CALCOCO1: variants seen among roughly 807,000 people sequenced by gnomAD.
CALCOCO1 encodes calcium binding and coiled-coil domain 1.
A neutral mutation model predicts 86.3 loss-of-function variants in CALCOCO1; 44 were observed. The observed-to-expected ratio is 0.51, with a 90% CI of 0.40 to 0.66. The LOEUF (loss-of-function observed/expected upper bound fraction) is 0.66, where lower values mean the gene tolerates loss of function less well. Among genes scored for constraint, CALCOCO1 ranks in the 30% least tolerant of loss-of-function variants. CALCOCO1 has a pLI of 0.00. For missense variants in CALCOCO1, 708 were observed against 851.1 expected (o/e 0.83, Z 2.09); for synonymous variants, 297 against 327.6 (o/e 0.91, Z 1.01).
At chr12:53,725,345 C>T (rs1945999373) in intron 1 of CALCOCO1, 79 bp from the exon 2 acceptor site, 2 of 903,690 alleles carry the variant, frequency 2.2e-6, no homozygotes, top group Non-Finnish European at 3.3e-6. Flanking sequence ...CACACACTCA[C>T]AGCCCCTGCC....
chr12:53,721,740 T>C, intron 5 of CALCOCO1, 125 bp from the exon 6 acceptor site: 1 of 1,203,422 alleles, frequency 8.3e-7, no homozygotes. Context: ...ATTGCCTTCC[T>C]TGAAAAAGAA....
intron 3 of CALCOCO1, 150 bp downstream of exon 3, chr12:53,724,495 A>C: frequency 1.8e-5 from 12 of 649,452 alleles, no homozygotes; most frequent in Non-Finnish European, 3.1e-5. Context: ...CTATCCGCTG[A>C]GCGCTGTTGG....
At chr12:53,724,956 C>G (rs17102181) in intron 2 of CALCOCO1, 131 bp downstream of exon 2, 167,300 of 1,097,302 alleles carry the variant, frequency 0.15, 14,529 homozygotes, top group East Asian at 0.33. Context: ...CAGGCGGCCT[C>G]TGTCATCTGT....
intron 14 of CALCOCO1, chr12:53,712,801 A>G: frequency 1.4e-6 from 2 of 1,384,962 alleles, no homozygotes; most frequent in Non-Finnish European, 9.6e-7. Context: ...GGGTAGAGGC[A>G]GGAGAGAGGG....
chr12:53,725,037 C>T (rs1418869363), intron 2 of CALCOCO1, 50 bp downstream of exon 2: 1 of 1,517,718 alleles, frequency 6.6e-7, no homozygotes, highest in African/African-American at 1.4e-5. Flanking sequence ...CCCCTTATTC[C>T]AACCAACTCA....
intron 3 of CALCOCO1, 91 bp downstream of exon 3, chr12:53,724,554 G>T: frequency 1.1e-6 from 1 of 889,206 alleles, no homozygotes; most frequent in Non-Finnish European, 1.9e-6. Context: ...TGTCCTTTGT[G>T]CCTAACTTTT....
chr12:53,721,140 A>G (rs1354574354), intron 6 of CALCOCO1, among the ~76,000 whole-genome samples: 2 of 152,226 alleles, frequency 1.3e-5, no homozygotes, highest in African/African-American at 4.8e-5. Flanking sequence ...CTGTGGCCAC[A>G]TCTGAAATCC....
chr12:53,715,332 G>C lies in CALCOCO1; in HGVS notation c.1261-7C>G. ...GGATCTTGTCCTTCTCTGCCTGAGA[G>C]ATAGCCAAGAAGGAAAATGGGAGGG... is the stretch of plus-strand genomic sequence containing the variant. On this transcript the variant is annotated splice_polypyrimidine_tract_variant and splice_region_variant and intron_variant, in intron 9 of 14. Transcript: ENST00000550804. 1 of 1,614,000 alleles carries C rather than the reference G, an allele frequency of 6.2e-7. No individual in the cohort carries two copies. The highest frequency in any genetic ancestry group is 1.1e-5 in the South Asian group (1 of 91,084).
rs1474144797 is a variant in CALCOCO1 at position 53,711,358 on chromosome 12, T to G, written c.*586A>C. The G allele has an allele frequency of 2.6e-6, 1 of 392,072 alleles. No individual in the cohort carries two copies. The highest frequency in any genetic ancestry group is 4.5e-6 in the Non-Finnish European group (1 of 222,320). 24.3% of individuals were successfully genotyped at this position (392,072 alleles called of 1,614,324 possible). A position where few individuals can be genotyped will look rare whatever the true frequency, so the allele number is the denominator to read the frequency against. On this transcript the variant is annotated 3_prime_UTR_variant, in exon 15 of 15. Transcript: ENST00000550804. The stretch of plus-strand genomic sequence containing the variant: ...AAAAATACAAAAAACCCCTCCAAAC[T>G]GAATACCTAAGGTTATGGAAAAGGC...
Position 53,709,822 on chromosome 12 carries a change from A to C in CALCOCO1, c.*2122T>G, listed in dbSNP as rs1593071230. ...GTCTACTATTCTCCTTTTTTGCACA[A>C]GGCAGCCACTCACTGGAAGCCAGGA... On this transcript the variant is annotated 3_prime_UTR_variant, in exon 15 of 15. Transcript: ENST00000550804. 6.6e-6 allele frequency: 1 copy of C among 152,056 alleles called. No homozygotes were observed. Among genetic ancestry groups the C allele is most frequent in the Non-Finnish European group, 1.5e-5 (1 of 68,000 alleles). The allele number at this position is 152,056 out of a possible 1,614,324, so 9.4% of individuals were successfully genotyped here.
intron 1 of CALCOCO1, chr12:53,725,881 T>G (rs1946015964): frequency 6.6e-6 from 1 of 152,202 alleles, no homozygotes; most frequent in Non-Finnish European, 1.5e-5. Context: ...CCTACCCCCA[T>G]GAATTCTAGG....
Position 53,721,626 on chromosome 12 carries a change from GT to G in CALCOCO1, c.610-12del. 6.2e-7 allele frequency: 1 copy of G among 1,613,924 alleles called. No homozygotes were observed. Among genetic ancestry groups the G allele is most frequent in the Non-Finnish European group, 8.5e-7 (1 of 1,179,956 alleles). Reference sequence around the variant, plus strand: ...GGACCGGGAAATCCCCTGAAATTAAGTTTCCCCCAGAAGAAAAGGGAGGTTG... The same window carrying G: ...GGACCGGGAAATCCCCTGAAATTAAGTTCCCCCAGAAGAAAAGGGAGGTTG... On this transcript the variant is annotated splice_polypyrimidine_tract_variant and intron_variant, in intron 5 of 14. Transcript: ENST00000550804.
intron 4 of CALCOCO1, among the ~76,000 whole-genome samples, chr12:53,722,731 C>T (rs1367931410): frequency 6.6e-6 from 1 of 152,066 alleles, no homozygotes; most frequent in African/African-American, 2.4e-5. Context: ...AGATGCATGC[C>T]ACTACACCCA....
At position 53,723,929 on chromosome 12, in the gene CALCOCO1, T is replaced by A. The variant is rs1593094802; in HGVS notation, c.260-146A>T. 5 of 670,952 alleles carry A rather than the reference T, an allele frequency of 7.5e-6. No homozygotes were observed. In the East Asian group the frequency reaches 1.4e-4, roughly 18 times the overall value. 41.6% of individuals were successfully genotyped at this position (670,952 alleles called of 1,614,324 possible). Reference sequence around the variant, plus strand: ...CCCTCCTTTCTGCCTGTCCCTCTCCTTCCTTTCTTTCCCAAACCCACTGCC... The same window carrying A: ...CCCTCCTTTCTGCCTGTCCCTCTCCATCCTTTCTTTCCCAAACCCACTGCC... On this transcript the variant is annotated intron_variant, in intron 3 of 14. Coordinates refer to ENST00000550804, the MANE Select transcript of CALCOCO1 (RefSeq NM_020898.3).
chr12:53,708,985 C>T lies in CALCOCO1; in HGVS notation c.*2959G>A, dbSNP rs915823871. The stretch of plus-strand genomic sequence containing the variant: ...TGAAGACCCTGACTGGCACACTAAG[C>T]AATCTACATTTCTCATTCCTGTAGG... On this transcript the variant is annotated 3_prime_UTR_variant, in exon 15 of 15. Coordinates refer to ENST00000550804, the MANE Select transcript of CALCOCO1 (RefSeq NM_020898.3). 39 of 152,250 alleles carry T rather than the reference C, an allele frequency of 2.6e-4. No individual in the cohort carries two copies. Among genetic ancestry groups the T allele is most frequent in the African/African-American group, 8.9e-4 (37 of 41,450 alleles). The allele number at this position is 152,250 out of a possible 1,614,324, so 9.4% of individuals were successfully genotyped here. A position where few individuals can be genotyped will look rare whatever the true frequency, so the allele number is the denominator to read the frequency against.
At chr12:53,712,668 C>T (rs566679383) in intron 14 of CALCOCO1, 83 of 525,320 alleles carry the variant, frequency 1.6e-4, no homozygotes, top group Middle Eastern at 6.4e-4. Flanking sequence ...AGAGGGAAAG[C>T]ATTTCAGTTG....
At chr12:53,726,916 T>C (rs1251166635) in intron 1 of CALCOCO1, among the ~76,000 whole-genome samples, 2 of 152,140 alleles carry the variant, frequency 1.3e-5, no homozygotes, top group Non-Finnish European at 1.5e-5. Flanking sequence ...ACCTAAGATG[T>C]AGGTGTGTAG....
At chr12:53,720,841 A>C (rs1363967857) in intron 6 of CALCOCO1, among the ~76,000 whole-genome samples, 1 of 152,252 alleles carries the variant, frequency 6.6e-6, no homozygotes, top group Non-Finnish European at 1.5e-5. Context: ...TTCTGGAAGA[A>C]GAAAGAAATT....
chr12:53,720,159 A>C (rs1389468608), intron 6 of CALCOCO1, among the ~76,000 whole-genome samples: 4 of 152,156 alleles, frequency 2.6e-5, no homozygotes, highest in African/African-American at 4.8e-5. Flanking sequence ...TATTGATTAT[A>C]AACTTTTGAT....
Sources: allele counts gnomAD v4.1 joint callset (sites outside exome capture counted in the v4.1 genomes callset), GRCh38; gene constraint gnomAD v4.1.1; transcripts MANE v1.5; gene names NCBI Gene and HGNC (gene_info 2026-07-23, HGNC 2026-07-21).